The following POFUT3 variants were observed in gnomAD, a reference collection of about 807,000 sequenced individuals.
POFUT3 encodes the protein protein O-fucosyltransferase 3, also known as GDP-fucose protein O-fucosyltransferase 3.
chr8:33,380,126 A>ATATATACTATATATATACAC, the POFUT3 span, among the ~76,000 whole-genome samples: 1 of 50,952 alleles, frequency 2.0e-5, no homozygotes, highest in East Asian at 8.8e-4. Context: ...TATATACACT[A>ATATATACTATATATATACAC]TATATATATA....
the POFUT3 span, among the ~76,000 whole-genome samples, chr8:33,435,795 C>G: frequency 6.6e-6 from 1 of 152,234 alleles, no homozygotes; most frequent in South Asian, 2.1e-4. Context: ...GAATTACAAA[C>G]CTGAGCCACC....
chr8:33,342,354 C>G, the POFUT3 span, among the ~76,000 whole-genome samples: 5 of 150,178 alleles, frequency 3.3e-5, no homozygotes, highest in Non-Finnish European at 7.4e-5. Flanking sequence ...AAGACCCTGT[C>G]CCCCCACAAA....
the POFUT3 span, among the ~76,000 whole-genome samples, chr8:33,330,039 G>A: frequency 6.6e-6 from 1 of 152,090 alleles, no homozygotes; most frequent in Non-Finnish European, 1.5e-5. Context: ...ATTAGAGGGT[G>A]GACAATGCTT....
the POFUT3 span, among the ~76,000 whole-genome samples, chr8:33,321,633 A>G: frequency 6.6e-6 from 1 of 152,296 alleles, no homozygotes; most frequent in South Asian, 2.1e-4. Flanking sequence ...AGACCAGCCC[A>G]GATTCAAAGG....
chr8:33,455,746 G>A, the POFUT3 span: 82 of 451,046 alleles, frequency 1.8e-4, no homozygotes, highest in Admixed American at 1.5e-3. Context: ...CTCAGGTCCC[G>A]CTTTTAGCAG....
the POFUT3 span, among the ~76,000 whole-genome samples, chr8:33,396,190 C>T: frequency 6.6e-6 from 1 of 152,076 alleles, no homozygotes; most frequent in Non-Finnish European, 1.5e-5. Context: ...ACCCACTGGC[C>T]CTCACTCTGG....
At chr8:33,379,177 C>T in the POFUT3 span, among the ~76,000 whole-genome samples, 1 of 152,124 alleles carries the variant, frequency 6.6e-6, no homozygotes, top group African/African-American at 2.4e-5. Flanking sequence ...CAAGACCTCC[C>T]TCGCCATGCA....
the POFUT3 span, among the ~76,000 whole-genome samples, chr8:33,333,196 A>C: frequency 6.6e-6 from 1 of 152,232 alleles, no homozygotes; most frequent in East Asian, 1.9e-4. Flanking sequence ...GGCCTGAGGA[A>C]AGTGAGGAAG....
the POFUT3 span, among the ~76,000 whole-genome samples, chr8:33,328,643 C>G: frequency 6.6e-6 from 1 of 152,072 alleles, no homozygotes; most frequent in South Asian, 2.1e-4. Context: ...AAGGCCTGAT[C>G]TAAAAACTAC....
chr8:33,431,547 CAAAAAAAAAAAAAAAAAAAAAAA>C, the POFUT3 span, among the ~76,000 whole-genome samples: 272 of 35,084 alleles, frequency 7.8e-3, 3 homozygotes, highest in Non-Finnish European at 0.014. Context: ...GACCCTGTCT[CAAAAAAAAAAAAAAAAAAAAAAA>C]AAAAAAAAAA....
chr8:33,326,780 G>A, the POFUT3 span, among the ~76,000 whole-genome samples: 62 of 139,576 alleles, frequency 4.4e-4, no homozygotes, highest in Middle Eastern at 3.9e-3. Flanking sequence ...TTTCCTTTTC[G>A]TTTGTCTGTT....
chr8:33,313,081 G>A, the POFUT3 span, among the ~76,000 whole-genome samples: 2 of 152,090 alleles, frequency 1.3e-5, no homozygotes, highest in African/African-American at 4.8e-5. Context: ...GGAGAAAATG[G>A]ACAATGAATG....
chr8:33,469,296 ACT>A, the POFUT3 span, among the ~76,000 whole-genome samples: 1 of 152,124 alleles, frequency 6.6e-6, no homozygotes, highest in Admixed American at 6.5e-5. Context: ...ACAGAGCAAG[ACT>A]CTGTCTCGAA....
chr8:33,309,390 T>G, the POFUT3 span, among the ~76,000 whole-genome samples: 1 of 148,958 alleles, frequency 6.7e-6, no homozygotes, highest in Non-Finnish European at 1.5e-5. Flanking sequence ...TCTCCCCTCG[T>G]GCGTCTTCCG....
At chr8:33,466,286 G>A in the POFUT3 span, among the ~76,000 whole-genome samples, 1 of 152,094 alleles carries the variant, frequency 6.6e-6, no homozygotes, top group South Asian at 2.1e-4. Flanking sequence ...AAAATTAGCT[G>A]GGCATGGTGG....
the POFUT3 span, among the ~76,000 whole-genome samples, chr8:33,426,861 TG>T: frequency 6.6e-6 from 1 of 152,288 alleles, no homozygotes; most frequent in Admixed American, 6.5e-5. Flanking sequence ...TCCCAGGGCC[TG>T]GGGAATGTTC....
the POFUT3 span, among the ~76,000 whole-genome samples, chr8:33,436,865 A>G: frequency 6.6e-6 from 1 of 152,176 alleles, no homozygotes; most frequent in Non-Finnish European, 1.5e-5. Context: ...CTCGTTATCC[A>G]GGTACTGAGC....
the POFUT3 span, among the ~76,000 whole-genome samples, chr8:33,401,371 T>C: frequency 6.6e-6 from 1 of 152,106 alleles, no homozygotes; most frequent in South Asian, 2.1e-4. Context: ...TCATTCCAGG[T>C]AGAAGAGCAA....
the POFUT3 span, chr8:33,453,276 A>C: frequency 6.2e-7 from 1 of 1,614,198 alleles, no homozygotes; most frequent in Non-Finnish European, 8.5e-7. Flanking sequence ...ATGGTGAAGA[A>C]ACAAGCATCT....
Sources: allele counts gnomAD v4.1 joint callset (sites outside exome capture counted in the v4.1 genomes callset), GRCh38; gene constraint gnomAD v4.1.1; transcripts MANE v1.5; gene names NCBI Gene and HGNC (gene_info 2026-07-23, HGNC 2026-07-21).